Variants in RAB11FIP2 observed in about 807,000 individuals in gnomAD.
RAB11FIP2 encodes the protein RAB11 family interacting protein 2, also known as rab11 family-interacting protein 2.
A neutral mutation model predicts 40.9 loss-of-function variants in RAB11FIP2; 16 were observed. The observed-to-expected ratio is 0.39, with a 90% CI of 0.26 to 0.59. The LOEUF is 0.59. Among genes scored for constraint, RAB11FIP2 ranks in the 20% least tolerant of loss-of-function variants. The pLI is 0.53. For missense variants in RAB11FIP2, 532 were observed against 606.2 expected (o/e 0.88, Z 1.28); for synonymous variants, 228 against 213.7 (o/e 1.07, Z -0.58).
chr10:118,029,412 C>T (rs535440507), intron 3 of RAB11FIP2, among the ~76,000 whole-genome samples: 1 of 152,272 alleles, frequency 6.6e-6, no homozygotes, highest in South Asian at 2.1e-4. Context: ...CTGTCCTCAA[C>T]AGCTACTTCA....
Position 118,046,354 on chromosome 10 carries a change from G to A in RAB11FIP2, c.-191C>T. 1 of 590,430 alleles carries A rather than the reference G, an allele frequency of 1.7e-6. No homozygotes were observed. The highest frequency in any genetic ancestry group is 3.0e-6 in the Non-Finnish European group (1 of 334,948). 36.6% of individuals were successfully genotyped at this position (590,430 alleles called of 1,614,324 possible). A position where few individuals can be genotyped will look rare whatever the true frequency, so the allele number is the denominator to read the frequency against. ...AGCCCAGGGGCACGGCCGCTCCGGGGGTCCCCTTTCGTCTGGAGAAACACA... is the reference window on the plus strand; with the variant it reads ...AGCCCAGGGGCACGGCCGCTCCGGGAGTCCCCTTTCGTCTGGAGAAACACA... On this transcript the variant is annotated 5_prime_UTR_variant, in exon 1 of 5. Transcript: ENST00000355624.
chr10:118,030,576 C>A (rs1846400939), intron 3 of RAB11FIP2, among the ~76,000 whole-genome samples: 1 of 151,966 alleles, frequency 6.6e-6, no homozygotes, highest in Non-Finnish European at 1.5e-5. Flanking sequence ...CTTTTAGCAC[C>A]TGTCAAGTGC....
chr10:118,041,214 G>T (rs548262368), intron 1 of RAB11FIP2, among the ~76,000 whole-genome samples: 2 of 150,164 alleles, frequency 1.3e-5, no homozygotes, highest in African/African-American at 4.9e-5. Context: ...TAAAATGCAA[G>T]AAGTGACAAA....
intron 3 of RAB11FIP2, among the ~76,000 whole-genome samples, chr10:118,021,180 T>C (rs147456439): frequency 3.3e-5 from 5 of 152,324 alleles, no homozygotes; most frequent in African/African-American, 1.2e-4. Context: ...CCATTTAGGA[T>C]TGCATTTTTA....
chr10:118,039,768 TCTTA>T (rs1454782200), intron 2 of RAB11FIP2: 1 of 352,310 alleles, frequency 2.8e-6, no homozygotes, highest in Non-Finnish European at 5.1e-6. Flanking sequence ...AAATTTACTT[TCTTA>T]CTTCTGAACA....
rs1043179539 is a variant in RAB11FIP2 at position 118,028,343 on chromosome 10, A to C, written c.1265+10629T>G. 2.6e-5 allele frequency among the ~76,000 whole-genome samples: 4 copies of C among 151,036 alleles called. No individual in the cohort carries two copies. In the South Asian group the frequency reaches 8.3e-4, roughly 31 times the overall value. ...ATATTTATAAGTATTTATTACATAG[A>C]AATATATTAAATATATCATGTCAAA... is the stretch of plus-strand genomic sequence containing the variant. On this transcript the variant is annotated intron_variant, in intron 3 of 4. Transcript: ENST00000355624.
At chr10:118,042,264 A>T (rs1169768485) in intron 1 of RAB11FIP2, among the ~76,000 whole-genome samples, 1 of 152,156 alleles carries the variant, frequency 6.6e-6, no homozygotes, top group African/African-American at 2.4e-5. Context: ...TGAGTAAAAA[A>T]AAATTAATTA....
At chr10:118,025,826 C>T (rs957028015) in intron 3 of RAB11FIP2, among the ~76,000 whole-genome samples, 1 of 152,156 alleles carries the variant, frequency 6.6e-6, no homozygotes, top group East Asian at 1.9e-4. Flanking sequence ...TCCTTCGAGA[C>T]TTTTAGTTCT....
intron 3 of RAB11FIP2, chr10:118,017,577 A>G (rs1478430120): frequency 1.3e-5 from 2 of 152,230 alleles, no homozygotes; most frequent in African/African-American, 4.8e-5. Flanking sequence ...ACTGGCAGCG[A>G]GGCAGCAGGG....
At position 118,039,121 on chromosome 10, in the gene RAB11FIP2, A is replaced by G. The variant is rs773286248; in HGVS notation, c.1116T>C (p.Ser372=). The G allele has an allele frequency of 5.0e-6, 8 of 1,613,732 alleles. No individual in the cohort carries two copies. The East Asian group carries it at 1.8e-4, about 36-fold the overall frequency. The part of the protein sequence containing the change: ...RVTGKKDSRR[S]DKLNNGGSDS... ...CAGATCCCCCATTGTTAAGTTTATC[A>G]GATCTTCTGCTATCTTTTTTTCCAG... The change falls in exon 3 of 5, where the codon TCT becomes TCC. Residue 372 remains serine, a synonymous_variant. Coordinates refer to ENST00000355624, the MANE Select transcript of RAB11FIP2 (RefSeq NM_014904.3).
intron 3 of RAB11FIP2, among the ~76,000 whole-genome samples, chr10:118,020,794 G>A (rs762245791): frequency 6.6e-6 from 1 of 151,978 alleles, no homozygotes; most frequent in Admixed American, 6.6e-5. Context: ...TTCCTATTAG[G>A]TTCTTAACTG....
chr10:118,017,709 G>T (rs2133165546), intron 3 of RAB11FIP2: 1 of 152,194 alleles, frequency 6.6e-6, no homozygotes. Flanking sequence ...ATATTTGGTG[G>T]CATAATCCAT....
rs1477762670 is a variant in RAB11FIP2 at position 118,046,748 on chromosome 10, C to G, written c.-585G>C. 6.6e-6 allele frequency: 1 copy of G among 152,134 alleles called. No individual in the cohort carries two copies. Among genetic ancestry groups the G allele is most frequent in the African/African-American group, 2.4e-5 (1 of 41,426 alleles). The allele number at this position is 152,134 out of a possible 1,614,324, so 9.4% of individuals were successfully genotyped here. ...CTCAGCTCCTCCTCTCGGGCGGGAGCGGGTAGCCAGGGGTGGAGTGGGGGA... is the reference window on the plus strand; with the variant it reads ...CTCAGCTCCTCCTCTCGGGCGGGAGGGGGTAGCCAGGGGTGGAGTGGGGGA... On this transcript the variant is annotated 5_prime_UTR_variant, in exon 1 of 5. Transcript: ENST00000355624.
At position 118,046,150 on chromosome 10, in the gene RAB11FIP2, T is replaced by G. The variant is rs1180102352; in HGVS notation, c.14A>C (p.Glu5Ala). 1 of 1,613,670 alleles carries G rather than the reference T, an allele frequency of 6.2e-7. No homozygotes were observed. The highest frequency in any genetic ancestry group is 1.3e-5 in the African/African-American group (1 of 74,948). Residue 5 changes from glutamate (E) to alanine (A), a missense_variant, in exon 1 of 5, where the codon GAG (glutamate) becomes GCG (alanine). By Grantham distance (107) the Glu-to-Ala change is moderately radical. Coordinates refer to ENST00000355624, the MANE Select transcript of RAB11FIP2 (RefSeq NM_014904.3). ...GGTTGGAAACCACTTTTGGGCTTGC[T>G]CGGACAGCATCATCCTGTCCTGTTT... MMLS[E>A]QAQKWFPTHV...
Position 118,046,203 on chromosome 10 carries a change from C to T in RAB11FIP2, c.-40G>A. On this transcript the variant is annotated 5_prime_UTR_variant, in exon 1 of 5. Transcript: ENST00000355624. ...CTGCCCCCGAGTTCCCTAGCACAGG[C>T]AGTGCCCCTCCCGGAGGGAGAGCCT... 2 of 1,542,418 alleles carry T rather than the reference C, an allele frequency of 1.3e-6. No individual in the cohort carries two copies. The highest frequency in any genetic ancestry group is 2.1e-4 in the Middle Eastern group (1 of 4,678).
At position 118,045,853 on chromosome 10, in the gene RAB11FIP2, T is replaced by C. The variant is rs746370003; in HGVS notation, c.311A>G (p.Asn104Ser). The change falls in exon 1 of 5, where the codon AAT becomes AGT. Residue 104 changes from asparagine (N) to serine (S), a missense_variant. Asn to Ser is a conservative substitution (Grantham distance 46). Transcript: ENST00000355624. ...TTTGTCCTCAAAGATGTCATTGAGA[T>C]TGATTGCCACCTGCCCTAAAAATTT... ...LDKFLGQVAI[N>S]LNDIFEDKQR... 2.5e-6 allele frequency: 4 copies of C among 1,613,606 alleles called. No individual in the cohort carries two copies. In the Admixed American group the frequency reaches 5.0e-5, roughly 20 times the overall value.
At chr10:118,019,739 T>C (rs1342885888) in intron 3 of RAB11FIP2, among the ~76,000 whole-genome samples, 1 of 150,234 alleles carries the variant, frequency 6.7e-6, no homozygotes, top group Non-Finnish European at 1.5e-5. Flanking sequence ...GGCAAGAGAA[T>C]GGCATGAACC....
chr10:118,024,614 A>T (rs1433138017), intron 3 of RAB11FIP2, among the ~76,000 whole-genome samples: 1 of 152,006 alleles, frequency 6.6e-6, no homozygotes, highest in Non-Finnish European at 1.5e-5. Context: ...TGTCTACGTG[A>T]TCAAGACAGA....
intron 3 of RAB11FIP2, among the ~76,000 whole-genome samples, chr10:118,031,268 C>T (rs2133175913): frequency 6.6e-6 from 1 of 152,144 alleles, no homozygotes; most frequent in South Asian, 2.1e-4. Context: ...TCCATTGGGA[C>T]ATTATAAAAA....
Sources: allele counts gnomAD v4.1 joint callset (sites outside exome capture counted in the v4.1 genomes callset), GRCh38; gene constraint gnomAD v4.1.1; transcripts MANE v1.5; gene names NCBI Gene and HGNC (gene_info 2026-07-23, HGNC 2026-07-21).